Variants in CTNNA3 observed in about 807,000 individuals in gnomAD.
The protein encoded by CTNNA3 is catenin alpha-3.
In CTNNA3, 76 loss-of-function variants were observed where a neutral mutation model predicts 95.7. The ratio of observed to expected loss-of-function variants is 0.79; its 90% CI spans 0.66 to 0.96. The LOEUF (loss-of-function observed/expected upper bound fraction) is 0.96, where lower values mean the gene tolerates loss of function less well. CTNNA3 is among the 40% of genes least tolerant of loss of function. The pLI is 0.00. For synonymous variants in CTNNA3, 431 were observed against 374.4 expected (o/e 1.15, Z -1.74); for missense variants, 1,191 against 1,089.8 (o/e 1.09, Z -1.31).
At chr10:67,009,571 T>A (rs1852198780) in intron 7 of CTNNA3, among the ~76,000 whole-genome samples, 1 of 152,122 alleles carries the variant, frequency 6.6e-6, no homozygotes. Flanking sequence ...TAGTATAATT[T>A]CCCTGAGCGA....
intron 12 of CTNNA3, among the ~76,000 whole-genome samples, chr10:66,328,538 C>A (rs2092284151): frequency 1.3e-5 from 2 of 149,394 alleles, no homozygotes; most frequent in Non-Finnish European, 3.0e-5. Context: ...GCAGCTCAGA[C>A]TTGTCCATAG....
At chr10:67,399,627 T>C (rs148136086) in intron 5 of CTNNA3, among the ~76,000 whole-genome samples, 1 of 152,294 alleles carries the variant, frequency 6.6e-6, no homozygotes, top group East Asian at 1.9e-4. Context: ...GTTAAAATAA[T>C]ACCTGATCTT....
At chr10:66,200,924 A>G (rs1369553884) in intron 13 of CTNNA3, among the ~76,000 whole-genome samples, 1 of 152,144 alleles carries the variant, frequency 6.6e-6, no homozygotes, top group Non-Finnish European at 1.5e-5. Flanking sequence ...CCCAGCATTT[A>G]GATTAGTATT....
chr10:66,517,678 C>A (rs1406269388), intron 11 of CTNNA3, among the ~76,000 whole-genome samples: 1 of 152,126 alleles, frequency 6.6e-6, no homozygotes, highest in East Asian at 1.9e-4. Context: ...TAATGAAGTA[C>A]CCATTCTTTC....
chr10:67,408,373 G>A (rs192125719), intron 5 of CTNNA3, among the ~76,000 whole-genome samples: 1 of 152,108 alleles, frequency 6.6e-6, no homozygotes, highest in East Asian at 1.9e-4. Context: ...GCACAGTACT[G>A]GTACACGAAC....
intron 7 of CTNNA3, among the ~76,000 whole-genome samples, chr10:66,836,958 G>T (rs1589312899): frequency 6.6e-6 from 1 of 151,830 alleles, no homozygotes; most frequent in Admixed American, 6.6e-5. Context: ...CAGAAATTCT[G>T]GTCAGAATCC....
chr10:66,414,351 T>C (rs142326397), intron 11 of CTNNA3, among the ~76,000 whole-genome samples: 64 of 152,082 alleles, frequency 4.2e-4, no homozygotes, highest in African/African-American at 1.5e-3. Flanking sequence ...ATATCTAAAG[T>C]AAGGAATGGG....
At chr10:66,140,339 G>A (rs953064030) in intron 13 of CTNNA3, among the ~76,000 whole-genome samples, 1 of 152,060 alleles carries the variant, frequency 6.6e-6, no homozygotes, top group Non-Finnish European at 1.5e-5. Flanking sequence ...CAATGTAATC[G>A]TATCTGGTAT....
At chr10:66,633,223 T>C (rs1393605636) in intron 9 of CTNNA3, among the ~76,000 whole-genome samples, 1 of 152,160 alleles carries the variant, frequency 6.6e-6, no homozygotes, top group East Asian at 1.9e-4. Context: ...GAAAACTTTA[T>C]TTGTAAAAGC....
chr10:66,564,589 C>G (rs891365350), intron 10 of CTNNA3, among the ~76,000 whole-genome samples: 1 of 152,166 alleles, frequency 6.6e-6, no homozygotes, highest in African/African-American at 2.4e-5. Flanking sequence ...AAGTGAGTCA[C>G]ATGTGAATGC....
At position 66,499,000 on chromosome 10, in the gene CTNNA3, C is replaced by T. The variant is rs140871397; in HGVS notation, c.1531+21617G>A. 1.5e-3 allele frequency among the ~76,000 whole-genome samples: 234 copies of T among 152,250 alleles called. 2 individuals are homozygous for T. Among genetic ancestry groups the T allele is most frequent in the African/African-American group, 5.2e-3 (217 of 41,572 alleles). ...TAAACAAATGTTTATTAGGCATCTG[C>T]GGTATACCATATATTGTGTAAAGCA... is the stretch of plus-strand genomic sequence containing the variant. On this transcript the variant is annotated intron_variant, in intron 11 of 17. Coordinates refer to ENST00000433211, the MANE Select transcript of CTNNA3 (RefSeq NM_013266.4).
At chr10:66,030,431 A>T (rs2079427939) in intron 15 of CTNNA3, among the ~76,000 whole-genome samples, 1 of 152,216 alleles carries the variant, frequency 6.6e-6, no homozygotes, top group Non-Finnish European at 1.5e-5. Flanking sequence ...GAACATCAAA[A>T]AAATTGACAA....
chr10:67,647,359 C>T (rs1006512797), intron 2 of CTNNA3, 56 bp downstream of exon 2: 1 of 1,199,562 alleles, frequency 8.3e-7, no homozygotes, highest in Non-Finnish European at 1.2e-6. Flanking sequence ...ATTTTTCCCA[C>T]ATATTTTTCA....
chr10:66,527,810 A>G (rs565756913), intron 10 of CTNNA3, among the ~76,000 whole-genome samples: 24 of 152,208 alleles, frequency 1.6e-4, no homozygotes, highest in African/African-American at 5.5e-4. Flanking sequence ...TTCTGTTATT[A>G]GTTTTAAGAT....
chr10:66,551,861 G>A (rs1283817804), intron 10 of CTNNA3, among the ~76,000 whole-genome samples: 3 of 150,672 alleles, frequency 2.0e-5, no homozygotes, highest in Non-Finnish European at 3.0e-5. Context: ...AAATTGTACA[G>A]GTTCATTCAC....
chr10:66,026,895 A>G (rs148086991), intron 15 of CTNNA3, among the ~76,000 whole-genome samples: 132 of 152,270 alleles, frequency 8.7e-4, no homozygotes, highest in African/African-American at 3.1e-3. Flanking sequence ...GTAATATTGT[A>G]AAGTTTAAAC....
chr10:66,495,632 T>C (rs1293140295), intron 11 of CTNNA3, among the ~76,000 whole-genome samples: 1 of 151,426 alleles, frequency 6.6e-6, no homozygotes, highest in Non-Finnish European at 1.5e-5. Context: ...ATACTGGAAG[T>C]CATTTTGGGG....
At position 67,097,380 on chromosome 10, in the gene CTNNA3, C is replaced by G. The variant is rs1858065562; in HGVS notation, c.1047+82937G>C. Among the ~76,000 whole-genome samples, 6 of 151,746 alleles carry G rather than the reference C, an allele frequency of 4.0e-5. No homozygotes were observed. The South Asian group carries it at 1.2e-3, about 32-fold the overall frequency. Reference sequence around the variant, plus strand: ...CCAAATCTTCTAGTAAAGAATTAAGCAGTTTCATCCCAGGATTTAAAACTG... The same window carrying G: ...CCAAATCTTCTAGTAAAGAATTAAGGAGTTTCATCCCAGGATTTAAAACTG... On this transcript the variant is annotated intron_variant, in intron 7 of 17. Transcript: ENST00000433211.
intron 1 of CTNNA3, among the ~76,000 whole-genome samples, chr10:67,710,700 A>G (rs1841102530): frequency 6.6e-6 from 1 of 152,192 alleles, no homozygotes; most frequent in South Asian, 2.1e-4. Flanking sequence ...GTAAACCATT[A>G]TCTGTATTGT....
Sources: allele counts gnomAD v4.1 joint callset (sites outside exome capture counted in the v4.1 genomes callset), GRCh38; gene constraint gnomAD v4.1.1; transcripts MANE v1.5; gene names NCBI Gene and HGNC (gene_info 2026-07-23, HGNC 2026-07-21).